MPRIP: variants seen among roughly 807,000 people sequenced by gnomAD.
MPRIP encodes the protein myosin phosphatase Rho-interacting protein.
MPRIP carries 59 observed loss-of-function variants against 234.9 expected under a neutral mutation model. The ratio of observed to expected loss-of-function variants is 0.25; its 90% CI spans 0.20 to 0.31. The LOEUF is 0.31. MPRIP is among the 10% of genes least tolerant of loss of function. MPRIP has a pLI of 1.00. For missense variants in MPRIP, 2,436 were observed against 3,071.0 expected, an observed-to-expected ratio of 0.79 and a Z score of 4.89; for synonymous variants, 1,144 against 1,263.9, an observed-to-expected ratio of 0.91 and a Z score of 2.01.
chr17:17,093,877 A>T (rs988546525), intron 3 of MPRIP, among the ~76,000 whole-genome samples: 1 of 152,180 alleles, frequency 6.6e-6, no homozygotes, highest in Admixed American at 6.5e-5. Flanking sequence ...CACAGATAGG[A>T]TTTAGCTCTT....
intron 2 of MPRIP, 22 bp from the exon 3 acceptor site, chr17:17,077,989 C>T (rs2089374359): frequency 6.2e-7 from 1 of 1,613,920 alleles, no homozygotes; most frequent in South Asian, 1.1e-5. Context: ...CTCCTAACCA[C>T]CCACCTTGTG....
In MPRIP at chr17:17,167,976, GAC is replaced by G; in HGVS notation, c.6324+62_6324+63del. On this transcript the variant is annotated intron_variant, in intron 16 of 23. Coordinates refer to ENST00000651222, the MANE Select transcript of MPRIP (RefSeq NM_001364716.4). This position sits in a 1 kb window ranked among gnomAD's most constrained non-coding sequence, Gnocchi z 5.9. The stretch of plus-strand genomic sequence containing the variant: ...TCCTTGATAATGGGGTGGGTGTGGG[GAC>G]GTCTGGCTCAGCTACCGTGCAGGCA... 1 of 1,219,032 alleles carries G rather than the reference GAC, an allele frequency of 8.2e-7. No individual in the cohort carries two copies. Among genetic ancestry groups the G allele is most frequent in the South Asian group, 1.4e-5 (1 of 72,622 alleles). The allele number at this position is 1,219,032 out of a possible 1,614,324, so 75.5% of individuals were successfully genotyped here.
At chr17:17,134,721 C>T (rs2041298594) in intron 5 of MPRIP, among the ~76,000 whole-genome samples, 1 of 152,248 alleles carries the variant, frequency 6.6e-6, no homozygotes, top group African/African-American at 2.4e-5. Context: ...TTCTGGAGCA[C>T]GTGGTGGAAA....
chr17:17,180,762 C>T, intron 23 of MPRIP: 1 of 1,288,616 alleles, frequency 7.8e-7, no homozygotes, highest in Non-Finnish European at 1.1e-6. Context: ...CATCCTGCTC[C>T]AACAAACACA....
chr17:17,172,543 A>G (rs997121865), intron 17 of MPRIP, among the ~76,000 whole-genome samples, 155 bp from the exon 18 acceptor site: 2 of 152,116 alleles, frequency 1.3e-5, no homozygotes, highest in Non-Finnish European at 2.9e-5. Flanking sequence ...TTGGTTCATG[A>G]GGGGCCAGCC....
chr17:17,086,467 T>C (rs1157230019), intron 3 of MPRIP, among the ~76,000 whole-genome samples: 2 of 152,250 alleles, frequency 1.3e-5, no homozygotes, highest in Non-Finnish European at 2.9e-5. Context: ...AGATGAGGTC[T>C]GAACCAGTGC....
intron 14 of MPRIP, among the ~76,000 whole-genome samples, chr17:17,160,796 G>A (rs1294734061): frequency 6.6e-6 from 1 of 152,210 alleles, no homozygotes; most frequent in South Asian, 2.1e-4. Flanking sequence ...AGCCTGGCCT[G>A]TGTGACCAGC....
At chr17:17,091,891 C>CCCA (rs1258263417) in intron 3 of MPRIP, among the ~76,000 whole-genome samples, 2 of 152,166 alleles carry the variant, frequency 1.3e-5, no homozygotes, top group Non-Finnish European at 2.9e-5. Flanking sequence ...GGAAAACAGC[C>CCCA]CCACTCCAGT....
At chr17:17,068,825 C>T (rs769016674) in intron 1 of MPRIP, among the ~76,000 whole-genome samples, 13 of 152,152 alleles carry the variant, frequency 8.5e-5, no homozygotes, top group African/African-American at 1.7e-4. Context: ...TGAGCCACTG[C>T]GCCCAGCCCG....
intron 3 of MPRIP, among the ~76,000 whole-genome samples, chr17:17,101,859 C>G (rs1457012268): frequency 6.6e-6 from 1 of 152,120 alleles, no homozygotes; most frequent in East Asian, 1.9e-4. Context: ...AAGCCATGCC[C>G]AGAAAGCCTG....
intron 2 of MPRIP, among the ~76,000 whole-genome samples, chr17:17,076,845 T>C (rs2089340746): frequency 6.6e-6 from 1 of 151,730 alleles, no homozygotes; most frequent in Non-Finnish European, 1.5e-5. Context: ...TTATAAATGA[T>C]AACCCTGGCC....
At chr17:17,075,991 G>A in intron 2 of MPRIP, 2 of 529,916 alleles carry the variant, frequency 3.8e-6, no homozygotes, top group East Asian at 6.2e-5. Context: ...GCTCCCTTCA[G>A]AATGAGGAGC....
intron 3 of MPRIP, among the ~76,000 whole-genome samples, chr17:17,089,494 G>GTT (rs112288644): frequency 4.0e-5 from 6 of 151,460 alleles, no homozygotes; most frequent in Admixed American, 2.0e-4. Flanking sequence ...TAGAGATTGG[G>GTT]TTTTTTTTTG....
At chr17:17,048,036 G>T (rs765920459) in intron 1 of MPRIP, among the ~76,000 whole-genome samples, 4 of 152,164 alleles carry the variant, frequency 2.6e-5, no homozygotes, top group African/African-American at 7.2e-5. Flanking sequence ...CTACATCCGC[G>T]TGTTGATCTG....
intron 23 of MPRIP, 61 bp from the exon 24 acceptor site, chr17:17,184,762 G>GGTCCA: frequency 1.5e-6 from 2 of 1,354,196 alleles, no homozygotes; most frequent in East Asian, 2.3e-5. Context: ...GGTCCGGTCC[G>GGTCCA]GTCCAGTGCA....
intron 1 of MPRIP, among the ~76,000 whole-genome samples, chr17:17,062,112 C>T (rs554955513): frequency 6.6e-6 from 1 of 152,144 alleles, no homozygotes; most frequent in East Asian, 1.9e-4. Context: ...TTGAATTGGC[C>T]TTCTCGTTCC....
At chr17:17,117,040 G>A (rs965393524) in intron 3 of MPRIP, among the ~76,000 whole-genome samples, 3 of 152,060 alleles carry the variant, frequency 2.0e-5, no homozygotes, top group Admixed American at 1.3e-4. Flanking sequence ...TGCAGAAGAC[G>A]GTGGCCCATG....
At chr17:17,052,124 C>G (rs1439872483) in intron 1 of MPRIP, among the ~76,000 whole-genome samples, 1 of 152,184 alleles carries the variant, frequency 6.6e-6, no homozygotes, top group African/African-American at 2.4e-5. Flanking sequence ...GCGGCCTGCC[C>G]AAGGTCACTG....
intron 4 of MPRIP, among the ~76,000 whole-genome samples, chr17:17,128,714 C>T (rs759892281): frequency 3.4e-4 from 52 of 152,340 alleles, no homozygotes; most frequent in Admixed American, 7.8e-4. Flanking sequence ...GTGGCATAAC[C>T]TCGTGATCCG....
Sources: gnomAD v4.1 joint callset for allele counts (sites outside exome capture counted in the v4.1 genomes callset) on GRCh38, gnomAD v4.1.1 for gene constraint, Gnocchi (gnomAD v3.1) non-coding constraint, MANE v1.5 for transcripts, NCBI Gene and HGNC (gene_info 2026-07-23, HGNC 2026-07-21) for gene names.